The following PALLD variants were observed in gnomAD, a reference collection of about 807,000 sequenced individuals.
PALLD encodes palladin.
PALLD carries 61 observed loss-of-function variants against 123.5 expected under a neutral mutation model. The ratio of observed to expected loss-of-function variants is 0.49; its 90% CI spans 0.40 to 0.61. The LOEUF is 0.61. Ranked by LOEUF, PALLD falls within the 20% of genes least tolerant of loss-of-function variation. PALLD has a pLI of 0.00. For synonymous variants in PALLD, 465 were observed against 496.4 expected (o/e 0.94, Z 0.84); for missense variants, 1,273 against 1,377.0 (o/e 0.92, Z 1.20).
At chr4:168,612,522 C>T (rs973153842) in intron 2 of PALLD, among the ~76,000 whole-genome samples, 1 of 152,152 alleles carries the variant, frequency 6.6e-6, no homozygotes, top group Non-Finnish European at 1.5e-5. Flanking sequence ...GAAAGTTTTC[C>T]TTGGCTGCAT....
chr4:168,635,863 T>C (rs971382654), intron 2 of PALLD, among the ~76,000 whole-genome samples: 2 of 152,170 alleles, frequency 1.3e-5, no homozygotes, highest in African/African-American at 4.8e-5. Flanking sequence ...GTGTGGCACC[T>C]GATGAGAAAA....
At chr4:168,838,255 C>T (rs766174615) in intron 10 of PALLD, among the ~76,000 whole-genome samples, 14 of 152,082 alleles carry the variant, frequency 9.2e-5, no homozygotes, top group Non-Finnish European at 1.9e-4. Context: ...TGTCCTAGAG[C>T]GGCTGGGGTT....
At position 168,693,805 on chromosome 4, in the gene PALLD, C is replaced by T. The variant is rs1337992726; in HGVS notation, c.1501+2513C>T. Among the ~76,000 whole-genome samples the T allele has an allele frequency of 2.6e-5, 4 of 152,248 alleles. 1 individual carries two copies. The highest frequency in any genetic ancestry group is 4.2e-4 in the South Asian group (2 of 4,814). ...AGACTTTCTTCTTTCCCTTTTACAGCGTTAAAATGCTGTGCTTCAGGAAAT... is the reference window on the plus strand; with the variant it reads ...AGACTTTCTTCTTTCCCTTTTACAGTGTTAAAATGCTGTGCTTCAGGAAAT... On this transcript the variant is annotated intron_variant, in intron 8 of 21. Coordinates refer to ENST00000505667, the MANE Select transcript of PALLD (RefSeq NM_001166108.2).
intron 10 of PALLD, among the ~76,000 whole-genome samples, chr4:168,804,339 G>A (rs142405390): frequency 1.5e-3 from 221 of 152,350 alleles, no homozygotes; most frequent in African/African-American, 5.0e-3. Flanking sequence ...TTTCACCTAC[G>A]TGGTGAGAGC....
intron 10 of PALLD, among the ~76,000 whole-genome samples, chr4:168,715,374 C>T (rs114375306): frequency 0.041 from 6,179 of 152,250 alleles, 200 homozygotes; most frequent in South Asian, 0.15. Context: ...TGTGGGACTG[C>T]GAAGTGTGCT....
chr4:168,910,221 T>A (rs1012123131), intron 15 of PALLD, among the ~76,000 whole-genome samples: 2 of 16,898 alleles, frequency 1.2e-4, no homozygotes. Flanking sequence ...ACCTGTTTAC[T>A]TTTTTTTTTT....
At chr4:168,685,587 G>C (rs1476895705) in intron 6 of PALLD, 28 bp downstream of exon 6, 1 of 1,472,362 alleles carries the variant, frequency 6.8e-7, no homozygotes, top group Non-Finnish European at 9.5e-7. Context: ...CTCATTCTCT[G>C]TGTTTGCTTT....
At chr4:168,781,732 G>C (rs1735955946) in intron 10 of PALLD, among the ~76,000 whole-genome samples, 1 of 152,092 alleles carries the variant, frequency 6.6e-6, no homozygotes, top group Non-Finnish European at 1.5e-5. Context: ...GAGGAATATA[G>C]AAATGAGGGA....
intron 1 of PALLD, among the ~76,000 whole-genome samples, chr4:168,505,916 A>G (rs1761955134): frequency 6.6e-6 from 1 of 152,228 alleles, no homozygotes; most frequent in Non-Finnish European, 1.5e-5. Flanking sequence ...TGTGCCATAT[A>G]GTCTCTGTTG....
chr4:168,798,003 G>T (rs1377594110), intron 10 of PALLD, among the ~76,000 whole-genome samples: 1 of 152,036 alleles, frequency 6.6e-6, no homozygotes, highest in Non-Finnish European at 1.5e-5. Flanking sequence ...TTTGTTAAGG[G>T]TATCACATTC....
intron 2 of PALLD, among the ~76,000 whole-genome samples, chr4:168,590,274 G>A (rs1199276697): frequency 6.6e-6 from 1 of 152,196 alleles, no homozygotes; most frequent in African/African-American, 2.4e-5. Flanking sequence ...CCCAGGAAAT[G>A]GAGGTTGCAG....
Position 168,898,635 on chromosome 4 carries a change from T to C in PALLD, c.2393T>C (p.Met798Thr), listed in dbSNP as rs142116575. 1.9e-3 allele frequency: 3,101 copies of C among 1,614,134 alleles called. 5 individuals carry two copies. The highest frequency in any genetic ancestry group is 2.5e-3 in the Non-Finnish European group (2,967 of 1,179,970). The change falls in exon 14 of 22, where the codon ATG becomes ACG. Residue 798 changes from methionine (M) to threonine (T), a missense_variant. Around this residue, in one of 2 missense-constraint regions of PALLD, gnomAD observed 329 missense variants for 422.5 expected, o/e 0.78. Transcript: ENST00000505667. ...AATGGAATGGCACCATTCTTTGAGA[T>C]GAAGCTGAAACATTACAAGATCTTT... ...VENGMAPFFE[M>T]KLKHYKIFEG...
intron 2 of PALLD, among the ~76,000 whole-genome samples, chr4:168,555,532 G>A (rs1338652319): frequency 6.6e-6 from 1 of 152,184 alleles, no homozygotes; most frequent in Non-Finnish European, 1.5e-5. Context: ...GAGCAGCCTG[G>A]CGATTGTGTT....
intron 2 of PALLD, among the ~76,000 whole-genome samples, chr4:168,604,409 C>A (rs1156844532): frequency 6.6e-6 from 1 of 152,186 alleles, no homozygotes; most frequent in South Asian, 2.1e-4. Context: ...CTCATAAAAT[C>A]TCATACATGG....
intron 2 of PALLD, among the ~76,000 whole-genome samples, chr4:168,542,551 C>T (rs1450248778): frequency 6.6e-6 from 1 of 151,064 alleles, no homozygotes; most frequent in Non-Finnish European, 1.5e-5. Flanking sequence ...TAACTTGGCA[C>T]TTTATATCAA....
intron 10 of PALLD, among the ~76,000 whole-genome samples, chr4:168,842,340 C>T (rs1746154735): frequency 6.6e-6 from 1 of 152,184 alleles, no homozygotes; most frequent in Non-Finnish European, 1.5e-5. Flanking sequence ...CTTATGAAAC[C>T]ACAGGATCTG....
rs1315290843 is a variant in PALLD, at chr4:168,527,445, G to GTCATGC, written c.908+15039_908+15044dup. ...CTCAAAAAAAAAAAAAAAAAAAAAA[G>GTCATGC]TCATGCTCATGGCATTACTTCCTTA... On this transcript the variant is annotated intron_variant, in intron 2 of 21. Coordinates refer to ENST00000505667, the MANE Select transcript of PALLD (RefSeq NM_001166108.2). Among the ~76,000 whole-genome samples, 211 of 60,834 alleles carry GTCATGC rather than the reference G, an allele frequency of 3.5e-3. 2 individuals are homozygous for GTCATGC. Among genetic ancestry groups the GTCATGC allele is most frequent in the African/African-American group, 0.016 (201 of 12,456 alleles). The allele number at this position is 60,834 out of a possible 152,430, so 39.9% of individuals were successfully genotyped here. A position where few individuals can be genotyped will look rare whatever the true frequency, so the allele number is the denominator to read the frequency against.
At chr4:168,762,083 A>T (rs1232675765) in intron 10 of PALLD, among the ~76,000 whole-genome samples, 2 of 59,158 alleles carry the variant, frequency 3.4e-5, no homozygotes, top group Non-Finnish European at 6.0e-5. Context: ...GTAACTTGGG[A>T]CTCATACATA....
intron 2 of PALLD, among the ~76,000 whole-genome samples, chr4:168,635,556 A>G (rs185284539): frequency 2.9e-4 from 44 of 152,350 alleles, no homozygotes; most frequent in Admixed American, 1.3e-3. Flanking sequence ...GGCATATGCC[A>G]TAGTCTAATA....
Sources: allele counts gnomAD v4.1 joint callset (sites outside exome capture counted in the v4.1 genomes callset), GRCh38; gene constraint gnomAD v4.1.1; regional missense constraint gnomAD v4.1.1; transcripts MANE v1.5; gene names NCBI Gene and HGNC (gene_info 2026-07-23, HGNC 2026-07-21).